HMCN2: variants seen among roughly 807,000 people sequenced by gnomAD.
HMCN2 encodes the protein hemicentin-2.
A neutral mutation model predicts 377.5 loss-of-function variants in HMCN2; 325 were observed. The observed-to-expected ratio is 0.86, with a 90% CI of 0.79 to 0.94. The LOEUF (loss-of-function observed/expected upper bound fraction) is 0.94, where lower values mean the gene tolerates loss of function less well. Ranked by LOEUF, HMCN2 falls within the 40% of genes least tolerant of loss-of-function variation. The probability of loss-of-function intolerance (pLI) is 0.00; values close to 1 mark genes in which losing one functional copy is unlikely to be tolerated. For synonymous variants in HMCN2, 2,007 were observed against 2,046.8 expected (o/e 0.98, Z 0.53); for missense variants, 4,543 against 4,725.3 (o/e 0.96, Z 1.13).
chr9:130,298,718 G>A (rs1047296329), intron 7 of HMCN2, among the ~76,000 whole-genome samples: 4 of 152,162 alleles, frequency 2.6e-5, no homozygotes, highest in Non-Finnish European at 4.4e-5. Flanking sequence ...CCACACCAGA[G>A]TTAATGGGGT....
At chr9:130,266,333 C>A (rs1471161657) in intron 1 of HMCN2, among the ~76,000 whole-genome samples, 196 bp downstream of exon 1, 1 of 152,106 alleles carries the variant, frequency 6.6e-6, no homozygotes, top group Admixed American at 6.5e-5. Context: ...TTCCCTCCCA[C>A]CCCCCTGGAA....
rs1178189733 is a variant in HMCN2, at chr9:130,422,154, G to A, written c.13232-423G>A. 2.0e-5 allele frequency among the ~76,000 whole-genome samples: 3 copies of A among 152,226 alleles called. No individual in the cohort carries two copies. Among genetic ancestry groups the A allele is most frequent in the African/African-American group, 4.8e-5 (2 of 41,456 alleles). On this transcript the variant is annotated intron_variant, in intron 86 of 97. Coordinates refer to ENST00000683500, the MANE Select transcript of HMCN2 (RefSeq NM_001291815.2). The surrounding 1 kb of genome is among the most constrained non-coding windows in gnomAD (Gnocchi z 4.2). ...TGGGGCTGTTCAGGTGATGGCACCC[G>A]GCTCTGGCTCGGTGCCCTGGCTCCT...
chr9:130,330,140 C>T (rs2131432193), intron 22 of HMCN2, among the ~76,000 whole-genome samples: 1 of 152,158 alleles, frequency 6.6e-6, no homozygotes, highest in East Asian at 1.9e-4. Context: ...GAGCACTTAC[C>T]TGGCTGATGC....
rs1250465653 is a variant in HMCN2 at position 130,351,316 on chromosome 9, A to G, written c.4431-107A>G. On this transcript the variant is annotated intron_variant, in intron 29 of 97. Coordinates refer to ENST00000683500, the MANE Select transcript of HMCN2 (RefSeq NM_001291815.2). This position sits in a 1 kb window ranked among gnomAD's most constrained non-coding sequence, Gnocchi z 5.4. ...GCATTGCTCCCACCTCTTGGCGCTA[A>G]TGAATGGCCCAGCCTCGCTTTTTAC... 1.1e-6 allele frequency: 1 copy of G among 872,940 alleles called. No individual in the cohort carries two copies. Among genetic ancestry groups the G allele is most frequent in the Non-Finnish European group, 1.5e-6 (1 of 648,256 alleles). The allele number at this position is 872,940 out of a possible 1,614,324, so 54.1% of individuals were successfully genotyped here. A position where few individuals can be genotyped will look rare whatever the true frequency, so the allele number is the denominator to read the frequency against.
At chr9:130,314,640 A>G (rs1371850714) in intron 15 of HMCN2, among the ~76,000 whole-genome samples, 1 of 152,090 alleles carries the variant, frequency 6.6e-6, no homozygotes, top group Non-Finnish European at 1.5e-5. Context: ...CCATCTGCAC[A>G]GTCTTCCATC....
intron 37 of HMCN2, among the ~76,000 whole-genome samples, chr9:130,359,901 C>T (rs1003165811): frequency 6.6e-6 from 1 of 152,152 alleles, no homozygotes; most frequent in African/African-American, 2.4e-5. Context: ...TTTGCCCCCT[C>T]TCGTGGGGAT....
At chr9:130,276,850 G>T (rs1834722367) in intron 1 of HMCN2, among the ~76,000 whole-genome samples, 1 of 152,202 alleles carries the variant, frequency 6.6e-6, no homozygotes, top group African/African-American at 2.4e-5. Context: ...GTTTGATGAT[G>T]GTGGTGGCTG....
intron 30 of HMCN2, among the ~76,000 whole-genome samples, chr9:130,352,177 C>T (rs1485379564): frequency 6.6e-6 from 1 of 152,216 alleles, no homozygotes; most frequent in Non-Finnish European, 1.5e-5. Context: ...GTCACACTTC[C>T]TTACACTGAA....
At chr9:130,349,167 G>T (rs1412434102) in intron 28 of HMCN2, 36 bp downstream of exon 28, 1 of 1,293,456 alleles carries the variant, frequency 7.7e-7, no homozygotes, top group Admixed American at 2.3e-5. Context: ...TCCCAAGTGT[G>T]TCTGGCCCTG....
At position 130,296,658 on chromosome 9, in the gene HMCN2, C is replaced by A. The variant is rs1040936448; in HGVS notation, c.892-16C>A. 36 of 470,600 alleles carry A rather than the reference C, an allele frequency of 7.6e-5. No homozygotes were observed. Among genetic ancestry groups the A allele is most frequent in the Non-Finnish European group, 1.4e-4 (32 of 226,956 alleles). 29.2% of individuals were successfully genotyped at this position (470,600 alleles called of 1,614,324 possible). A position where few individuals can be genotyped will look rare whatever the true frequency, so the allele number is the denominator to read the frequency against. ...GGTCCCATCCTCTGGTGATGTGAGA[C>A]CTGGGCCTGCGCTAGGTCTATAGCA... On this transcript the variant is annotated splice_polypyrimidine_tract_variant and intron_variant, in intron 6 of 97. Transcript: ENST00000683500.
chr9:130,410,900 T>A (rs1364314450), intron 85 of HMCN2, among the ~76,000 whole-genome samples: 1 of 152,108 alleles, frequency 6.6e-6, no homozygotes, highest in Non-Finnish European at 1.5e-5. Context: ...AGACCAGCCG[T>A]CAAGATCACC....
rs1840281030 is a variant in HMCN2, at chr9:130,360,027, C to G, written c.5774-401C>G. 6.6e-6 allele frequency among the ~76,000 whole-genome samples: 1 copy of G among 152,070 alleles called. No individual in the cohort carries two copies. The highest frequency in any genetic ancestry group is 6.5e-5 in the Admixed American group (1 of 15,280). ...GCTGGTCCATGTTCTCTAATGCCCC[C>G]TAGGGGACGGGGTCTTCTGGTAGGG... On this transcript the variant is annotated intron_variant, in intron 37 of 97. Coordinates refer to ENST00000683500, the MANE Select transcript of HMCN2 (RefSeq NM_001291815.2). This position sits in a 1 kb window ranked among gnomAD's most constrained non-coding sequence, Gnocchi z 4.7.
intron 1 of HMCN2, among the ~76,000 whole-genome samples, chr9:130,276,727 C>G (rs1274362293): frequency 6.6e-6 from 1 of 152,202 alleles, no homozygotes; most frequent in Non-Finnish European, 1.5e-5. Flanking sequence ...TTGAGGGAAT[C>G]ACGTTTGCCC....
intron 23 of HMCN2, among the ~76,000 whole-genome samples, chr9:130,339,587 C>T (rs1474715783): frequency 1.3e-5 from 2 of 152,238 alleles, no homozygotes; most frequent in African/African-American, 2.4e-5. Flanking sequence ...AGGCCAGTCA[C>T]TTGGCCTCTC....
At chr9:130,357,203 T>G (rs1840078370) in intron 34 of HMCN2, among the ~76,000 whole-genome samples, 1 of 120,212 alleles carries the variant, frequency 8.3e-6, no homozygotes, top group South Asian at 2.8e-4. Flanking sequence ...GATGGATGGA[T>G]GGAAGGGCGG....
intron 25 of HMCN2, among the ~76,000 whole-genome samples, chr9:130,346,678 C>A (rs1225684370): frequency 1.3e-5 from 2 of 152,054 alleles, no homozygotes; most frequent in Non-Finnish European, 2.9e-5. Flanking sequence ...GTGCCGGGCA[C>A]TGTGCTAGAG....
At chr9:130,429,293 GA>G (rs1244900609) in intron 93 of HMCN2, 18 of 520,452 alleles carry the variant, frequency 3.5e-5, no homozygotes, top group African/African-American at 7.7e-5. Context: ...CCAAGGGCTA[GA>G]ATATGGAGAG....
chr9:130,353,276 T>G (rs1839835187), intron 31 of HMCN2, 71 bp downstream of exon 31: 3 of 1,252,728 alleles, frequency 2.4e-6, no homozygotes, highest in Non-Finnish European at 2.1e-6. Flanking sequence ...CCCCTGCCTG[T>G]CTCCAAAGGA....
Position 130,433,582 on chromosome 9 carries a change from C to A in HMCN2, c.15129C>A (p.Thr5043=), listed in dbSNP as rs553679524. 1,738 of 1,508,266 alleles carry A rather than the reference C, an allele frequency of 1.2e-3. 3 individuals carry two copies. Among genetic ancestry groups the A allele is most frequent in the Non-Finnish European group, 1.4e-3 (1,575 of 1,131,130 alleles). 93.4% of individuals were successfully genotyped at this position (1,508,266 alleles called of 1,614,324 possible). ...PLRAGLGAVY[T]RRALTRAGLY... Reference sequence around the variant, plus strand: ...GCGCGGGCCTTGGCGCGGTCTACACCCGTCGCGCGCTCACCCGCGCCGGCC... The same window carrying A: ...GCGCGGGCCTTGGCGCGGTCTACACACGTCGCGCGCTCACCCGCGCCGGCC... The change falls in exon 98 of 98, where the codon ACC becomes ACA. Residue 5043 remains threonine (T), a synonymous_variant. Transcript: ENST00000683500.
Sources: gnomAD v4.1 joint callset for allele counts (sites outside exome capture counted in the v4.1 genomes callset) on GRCh38, gnomAD v4.1.1 for gene constraint, Gnocchi (gnomAD v3.1) non-coding constraint, MANE v1.5 for transcripts, NCBI Gene and HGNC (gene_info 2026-07-23, HGNC 2026-07-21) for gene names.